The following HECW2 variants were observed in gnomAD, a reference collection of about 807,000 sequenced individuals.
HECW2 encodes HECT, C2 and WW domain containing E3 ubiquitin protein ligase 2.
HECW2 carries 61 observed loss-of-function variants against 175.2 expected under a neutral mutation model. That is an observed-to-expected ratio of 0.35 (90% confidence interval 0.28 to 0.43). The LOEUF (loss-of-function observed/expected upper bound fraction) is 0.43, where lower values mean the gene tolerates loss of function less well. HECW2 is among the 20% of genes least tolerant of loss of function. HECW2 has a pLI of 1.00. For synonymous variants in HECW2, 671 were observed against 731.0 expected (o/e 0.92, Z 1.32); for missense variants, 1,524 against 2,000.5 (o/e 0.76, Z 4.54).
chr2:196,357,336 G>GC lies in HECW2; in HGVS notation c.293-13573_293-13572insG, dbSNP rs555369120. On this transcript the variant is annotated intron_variant, in intron 2 of 28. Coordinates refer to ENST00000644978, the MANE Select transcript of HECW2 (RefSeq NM_001348768.2). ...ACCCTGGTGGGGGGCTTGGGCGGGG[G>GC]GGCGGCACTCATCCTCCTCTAAGCC... 2.5e-4 allele frequency among the ~76,000 whole-genome samples: 38 copies of GC among 151,762 alleles called. No homozygotes were observed. In the South Asian group the frequency reaches 7.3e-3, roughly 29 times the overall value.
At chr2:196,270,308 C>T (rs978831462) in intron 17 of HECW2, among the ~76,000 whole-genome samples, 8 of 152,188 alleles carry the variant, frequency 5.3e-5, no homozygotes, top group African/African-American at 1.9e-4. Flanking sequence ...AAAAATCTTG[C>T]TTCCCAAACT....
chr2:196,409,093 A>G (rs1292432486), intron 2 of HECW2, among the ~76,000 whole-genome samples: 1 of 152,188 alleles, frequency 6.6e-6, no homozygotes, highest in African/African-American at 2.4e-5. Context: ...ATCTAAAAAT[A>G]CTACAGACCA....
chr2:196,490,141 C>T (rs16852506), intron 1 of HECW2, among the ~76,000 whole-genome samples: 21,663 of 152,144 alleles, frequency 0.14, 1,602 homozygotes, highest in Middle Eastern at 0.22. Context: ...CCCAATTGCC[C>T]GGCAAACTCC....
chr2:196,585,512 T>C (rs754198494), intron 1 of HECW2, among the ~76,000 whole-genome samples: 1 of 152,174 alleles, frequency 6.6e-6, no homozygotes, highest in South Asian at 2.1e-4. Flanking sequence ...GACATTAGGA[T>C]GAGTTAGTTG....
At chr2:196,323,905 TTTG>T (rs562516956) in intron 6 of HECW2, among the ~76,000 whole-genome samples, 4,373 of 113,944 alleles carry the variant, frequency 0.038, 228 homozygotes, top group African/African-American at 0.15. Flanking sequence ...AAGAGTTTTT[TTTG>T]TTTTTTGTTT....
intron 1 of HECW2, among the ~76,000 whole-genome samples, chr2:196,454,261 C>T (rs897792293): frequency 1.3e-5 from 2 of 152,142 alleles, no homozygotes; most frequent in African/African-American, 4.8e-5. Context: ...AATGTATAGC[C>T]ACTTTGATGT....
chr2:196,214,907 A>G (rs1687417465), intron 28 of HECW2, among the ~76,000 whole-genome samples: 1 of 152,164 alleles, frequency 6.6e-6, no homozygotes, highest in African/African-American at 2.4e-5. Context: ...TAACAATAAT[A>G]TCACCTAATA....
At chr2:196,579,500 A>G (rs1690688508) in intron 1 of HECW2, among the ~76,000 whole-genome samples, 1 of 152,172 alleles carries the variant, frequency 6.6e-6, no homozygotes, top group Non-Finnish European at 1.5e-5. Context: ...TAAGTGATCC[A>G]ACTATATGCT....
At chr2:196,424,378 C>T (rs1695487066) in intron 2 of HECW2, among the ~76,000 whole-genome samples, 1 of 152,028 alleles carries the variant, frequency 6.6e-6, no homozygotes, top group South Asian at 2.1e-4. Context: ...AAAAGTCACA[C>T]ATCTCTCACT....
intron 1 of HECW2, among the ~76,000 whole-genome samples, chr2:196,438,201 G>C (rs1185946713): frequency 6.6e-6 from 1 of 152,160 alleles, no homozygotes. Context: ...TGGCTACTAG[G>C]ACGAACAAAA....
intron 1 of HECW2, among the ~76,000 whole-genome samples, chr2:196,518,383 C>T (rs540099921): frequency 6.6e-6 from 1 of 151,974 alleles, no homozygotes; most frequent in African/African-American, 2.4e-5. Context: ...AGGCCAGGCG[C>T]GGTGGCTCAC....
At chr2:196,385,269 C>T (rs1452762387) in intron 2 of HECW2, among the ~76,000 whole-genome samples, 1 of 152,098 alleles carries the variant, frequency 6.6e-6, no homozygotes, top group African/African-American at 2.4e-5. Flanking sequence ...TTAATTAAGA[C>T]AGTAAAAGCC....
intron 1 of HECW2, among the ~76,000 whole-genome samples, chr2:196,548,253 C>T (rs1476747477): frequency 1.3e-5 from 2 of 150,082 alleles, no homozygotes; most frequent in Non-Finnish European, 3.0e-5. Flanking sequence ...TTGCTTGAAT[C>T]GGGGAGGTGG....
At chr2:196,400,181 T>TA (rs1694779576) in intron 2 of HECW2, among the ~76,000 whole-genome samples, 1 of 152,192 alleles carries the variant, frequency 6.6e-6, no homozygotes, top group Non-Finnish European at 1.5e-5. Flanking sequence ...ACACAGTGAA[T>TA]AAAAAAGCAT....
At chr2:196,550,425 T>TAA (rs397814678) in intron 1 of HECW2, among the ~76,000 whole-genome samples, 2 of 146,902 alleles carry the variant, frequency 1.4e-5, no homozygotes, top group African/African-American at 4.9e-5. Context: ...ATGAGCTAAG[T>TAA]AAAAAAAAAA....
At chr2:196,373,842 C>T (rs1027537061) in intron 2 of HECW2, among the ~76,000 whole-genome samples, 4 of 152,004 alleles carry the variant, frequency 2.6e-5, no homozygotes, top group African/African-American at 7.3e-5. Context: ...ACCATCCCGG[C>T]TAAAACGGTG....
At chr2:196,545,543 T>C (rs1025981474) in intron 1 of HECW2, among the ~76,000 whole-genome samples, 2 of 152,200 alleles carry the variant, frequency 1.3e-5, no homozygotes, top group African/African-American at 4.8e-5. Flanking sequence ...GATTTGAATA[T>C]TTAATAAGCA....
chr2:196,361,918 C>A (rs1000668479), intron 2 of HECW2: 1 of 985,238 alleles, frequency 1.0e-6, no homozygotes, highest in African/African-American at 1.7e-5. Flanking sequence ...GGCCAACCCA[C>A]GTGGCAGTTT....
intron 6 of HECW2, 108 bp downstream of exon 6, chr2:196,324,872 C>A (rs771667178): frequency 2.1e-5 from 19 of 885,494 alleles, no homozygotes; most frequent in Non-Finnish European, 3.3e-5. Flanking sequence ...CCAGCAGAAC[C>A]CCTAGACACT....
Sources: allele counts gnomAD v4.1 joint callset (sites outside exome capture counted in the v4.1 genomes callset), GRCh38; gene constraint gnomAD v4.1.1; transcripts MANE v1.5; gene names NCBI Gene and HGNC (gene_info 2026-07-23, HGNC 2026-07-21).